GABBR2: variants seen among roughly 807,000 people sequenced by gnomAD.
GABBR2 encodes the protein G-protein coupled receptor 51.
A neutral mutation model predicts 105.6 loss-of-function variants in GABBR2; 23 were observed. The observed-to-expected ratio is 0.22, with a 90% CI of 0.16 to 0.31. The LOEUF (loss-of-function observed/expected upper bound fraction) is 0.31, where lower values mean the gene tolerates loss of function less well. GABBR2 is among the 10% of genes least tolerant of loss of function. The pLI, the probability that GABBR2 is intolerant of heterozygous loss-of-function variation, is 1.00. For missense variants in GABBR2, 734 were observed against 1,245.5 expected (o/e 0.59, Z 6.18); for synonymous variants, 478 against 499.7 (o/e 0.96, Z 0.58).
intron 13 of GABBR2, among the ~76,000 whole-genome samples, chr9:98,346,728 T>C (rs1370743230): frequency 1.3e-5 from 2 of 152,274 alleles, no homozygotes; most frequent in South Asian, 2.1e-4. Flanking sequence ...CATACTCCCC[T>C]ACCTTCTACT....
At chr9:98,681,368 C>T (rs1268010963) in intron 1 of GABBR2, among the ~76,000 whole-genome samples, 1 of 77,878 alleles carries the variant, frequency 1.3e-5, no homozygotes, top group Non-Finnish European at 2.4e-5. Flanking sequence ...TATTCTCACT[C>T]ATAGGTGGGA....
intron 1 of GABBR2, among the ~76,000 whole-genome samples, chr9:98,618,311 T>G (rs962344070): frequency 5.3e-5 from 8 of 152,312 alleles, no homozygotes; most frequent in African/African-American, 1.9e-4. Context: ...ATCTTGACTT[T>G]GTGGGGATTG....
intron 1 of GABBR2, among the ~76,000 whole-genome samples, chr9:98,584,347 C>A (rs1210155209): frequency 6.6e-6 from 1 of 151,972 alleles, no homozygotes; most frequent in Non-Finnish European, 1.5e-5. Flanking sequence ...TAAATGCTGC[C>A]TTCCCTCCCT....
intron 13 of GABBR2, among the ~76,000 whole-genome samples, chr9:98,327,783 C>T (rs1290664674): frequency 6.6e-6 from 1 of 151,648 alleles, no homozygotes; most frequent in Non-Finnish European, 1.5e-5. Context: ...GCACAAGAAT[C>T]GCTTGAACCT....
At chr9:98,641,577 G>C (rs953471819) in intron 1 of GABBR2, among the ~76,000 whole-genome samples, 1 of 152,108 alleles carries the variant, frequency 6.6e-6, no homozygotes, top group African/African-American at 2.4e-5. Context: ...ATAAAGCAAC[G>C]GGCATGCATG....
intron 17 of GABBR2, 125 bp downstream of exon 17, chr9:98,299,099 G>T: frequency 1.2e-6 from 1 of 807,042 alleles, no homozygotes; most frequent in Non-Finnish European, 2.1e-6. Flanking sequence ...AGCTCTGTGT[G>T]TGTGACTTCA....
intron 3 of GABBR2, among the ~76,000 whole-genome samples, chr9:98,499,127 A>G (rs1460776272): frequency 1.3e-5 from 2 of 152,234 alleles, no homozygotes; most frequent in Non-Finnish European, 2.9e-5. Flanking sequence ...TGTAAACTCT[A>G]AAGTTCTACA....
intron 1 of GABBR2, among the ~76,000 whole-genome samples, chr9:98,645,381 G>A (rs1830017641): frequency 6.6e-6 from 1 of 152,150 alleles, no homozygotes. Flanking sequence ...TGGCATCTCT[G>A]GAACTAGAAG....
intron 1 of GABBR2, among the ~76,000 whole-genome samples, chr9:98,668,894 T>C (rs1454594252): frequency 2.0e-5 from 3 of 148,306 alleles, no homozygotes; most frequent in Non-Finnish European, 2.9e-5. Context: ...TGTGTGTGTG[T>C]GTGTGTGTGT....
intron 4 of GABBR2, among the ~76,000 whole-genome samples, chr9:98,485,024 C>T (rs1827014883): frequency 6.6e-6 from 1 of 152,292 alleles, no homozygotes; most frequent in South Asian, 2.1e-4. Context: ...ATAACCATCC[C>T]TGAGGATGAC....
chr9:98,517,171 A>C (rs1017343755), intron 3 of GABBR2, among the ~76,000 whole-genome samples: 2 of 152,216 alleles, frequency 1.3e-5, no homozygotes, highest in African/African-American at 4.8e-5. Flanking sequence ...GCCTGCACCC[A>C]GTGACTGGCC....
intron 7 of GABBR2, among the ~76,000 whole-genome samples, chr9:98,413,067 A>G (rs962089181): frequency 1.3e-5 from 2 of 152,174 alleles, no homozygotes. Flanking sequence ...CCCAATTGGA[A>G]GTTGATTTTC....
At chr9:98,543,478 T>C (rs1828342964) in intron 2 of GABBR2, among the ~76,000 whole-genome samples, 1 of 152,144 alleles carries the variant, frequency 6.6e-6, no homozygotes, top group Non-Finnish European at 1.5e-5. Context: ...GATCCCCACC[T>C]GCCTTAGTCT....
At chr9:98,627,568 G>A (rs1034814898) in intron 1 of GABBR2, among the ~76,000 whole-genome samples, 12 of 152,252 alleles carry the variant, frequency 7.9e-5, no homozygotes, top group African/African-American at 2.9e-4. Flanking sequence ...CTGACCAACA[G>A]TGTAAGTGGT....
At position 98,634,030 on chromosome 9, in the gene GABBR2, C is replaced by T. The variant is rs570562636; in HGVS notation, c.322-55958G>A. On this transcript the variant is annotated intron_variant, in intron 1 of 18. Coordinates refer to ENST00000259455, the MANE Select transcript of GABBR2 (RefSeq NM_005458.8). The stretch of plus-strand genomic sequence containing the variant: ...GAGGTGAATTTTCAGAGCTGTCACA[C>T]GGGGCTGAGTGGCCTAGAGGCAGAC... Among the ~76,000 whole-genome samples the T allele has an allele frequency of 1.2e-4, 18 of 152,282 alleles. 1 individual carries two copies. The South Asian group carries it at 3.3e-3, about 28-fold the overall frequency.
At chr9:98,426,050 T>C (rs1429071703) in intron 7 of GABBR2, among the ~76,000 whole-genome samples, 6 of 152,062 alleles carry the variant, frequency 3.9e-5, no homozygotes, top group Admixed American at 6.5e-5. Context: ...GGAGAGGACA[T>C]ACATAGGGCT....
intron 11 of GABBR2, among the ~76,000 whole-genome samples, chr9:98,381,196 A>G (rs145706256): frequency 2.6e-5 from 4 of 152,364 alleles, no homozygotes; most frequent in South Asian, 2.1e-4. Flanking sequence ...CCACACTGCA[A>G]TCCTGCAGAG....
intron 1 of GABBR2, among the ~76,000 whole-genome samples, chr9:98,626,183 C>T (rs1032772914): frequency 6.6e-6 from 1 of 152,132 alleles, no homozygotes; most frequent in Non-Finnish European, 1.5e-5. Context: ...TAGGAAACGT[C>T]CAGAATAGGT....
chr9:98,647,524 G>A (rs907891539), intron 1 of GABBR2, among the ~76,000 whole-genome samples: 3 of 152,150 alleles, frequency 2.0e-5, no homozygotes, highest in Admixed American at 6.5e-5. Flanking sequence ...CTGACTCTCC[G>A]CTTCTTTATC....
Sources: gnomAD v4.1 joint callset for allele counts (sites outside exome capture counted in the v4.1 genomes callset) on GRCh38, gnomAD v4.1.1 for gene constraint, MANE v1.5 for transcripts, NCBI Gene and HGNC (gene_info 2026-07-23, HGNC 2026-07-21) for gene names.